ST3GAL3: variants seen among roughly 807,000 people sequenced by gnomAD.
ST3GAL3 encodes the protein CMP-N-acetylneuraminate-beta-1,4-galactoside alpha-2,3-sialyltransferase.
A neutral mutation model predicts 50.1 loss-of-function variants in ST3GAL3; 21 were observed. That is an observed-to-expected ratio of 0.42 (90% CI 0.30 to 0.60). The LOEUF (loss-of-function observed/expected upper bound fraction) is 0.60. ST3GAL3 is among the 20% of genes least tolerant of loss of function. ST3GAL3 has a pLI of 0.19. For missense variants in ST3GAL3, 353 were observed against 489.4 expected, an observed-to-expected ratio of 0.72 and a Z score of 2.63; for synonymous variants, 183 against 190.0, an observed-to-expected ratio of 0.96 and a Z score of 0.30.
intron 9 of ST3GAL3, among the ~76,000 whole-genome samples, chr1:43,915,347 A>G (rs1355159367): frequency 6.6e-6 from 1 of 152,212 alleles, no homozygotes; most frequent in East Asian, 1.9e-4. Context: ...CTATGGGGCT[A>G]GTGTGCACTC....
intron 5 of ST3GAL3, among the ~76,000 whole-genome samples, chr1:43,855,633 T>TA (rs910036694): frequency 4.0e-5 from 6 of 149,344 alleles, no homozygotes; most frequent in Middle Eastern, 3.4e-3. Flanking sequence ...AAATTAAATT[T>TA]AAAAAAAAAG....
chr1:43,911,857 T>G (rs541032935), intron 9 of ST3GAL3: 1 of 152,092 alleles, frequency 6.6e-6, no homozygotes, highest in East Asian at 1.9e-4. Flanking sequence ...ACTGGCTAAT[T>G]TTTGTATTTT....
intron 6 of ST3GAL3, 110 bp downstream of exon 6, chr1:43,894,587 C>T (rs1022986862): frequency 1.0e-6 from 1 of 965,254 alleles, no homozygotes; most frequent in Non-Finnish European, 1.7e-6. Context: ...TCCACCCTTC[C>T]TCTACTCTCA....
intron 5 of ST3GAL3, among the ~76,000 whole-genome samples, chr1:43,890,130 G>A (rs540710505): frequency 1.6e-4 from 24 of 152,120 alleles, no homozygotes; most frequent in Non-Finnish European, 2.9e-4. Flanking sequence ...AAAAATTATA[G>A]TTAAAATTTT....
chr1:43,845,902 C>T (rs1048229489), intron 5 of ST3GAL3, among the ~76,000 whole-genome samples: 2 of 152,026 alleles, frequency 1.3e-5, no homozygotes, highest in African/African-American at 4.8e-5. Flanking sequence ...CCTATTAGTT[C>T]TTTGGAAGTG....
intron 5 of ST3GAL3, chr1:43,894,095 CT>C: frequency 2.2e-6 from 1 of 451,912 alleles, no homozygotes; most frequent in South Asian, 2.1e-5. Flanking sequence ...TTCCAGAGAG[CT>C]TCCAGCTCTG....
intron 3 of ST3GAL3, among the ~76,000 whole-genome samples, chr1:43,813,334 G>T (rs1399240848): frequency 6.6e-6 from 1 of 152,254 alleles, no homozygotes; most frequent in East Asian, 1.9e-4. Flanking sequence ...ATTGTTGAGA[G>T]GGCACTTAAC....
chr1:43,907,787 A>G (rs1198287122), intron 9 of ST3GAL3, among the ~76,000 whole-genome samples: 7 of 151,938 alleles, frequency 4.6e-5, no homozygotes, highest in East Asian at 1.9e-4. Flanking sequence ...TCTCACATCT[A>G]TGAATGTATT....
intron 3 of ST3GAL3, among the ~76,000 whole-genome samples, chr1:43,796,472 A>G (rs2058695186): frequency 6.6e-6 from 1 of 152,216 alleles, no homozygotes; most frequent in Non-Finnish European, 1.5e-5. Flanking sequence ...GAACTGACCT[A>G]AGGGACAGAC....
At chr1:43,734,712 CCTATT>C (rs1677616572) in intron 1 of ST3GAL3, among the ~76,000 whole-genome samples, 1 of 152,064 alleles carries the variant, frequency 6.6e-6, no homozygotes. Context: ...TATTGAACTT[CCTATT>C]CTAATGATTT....
At chr1:43,897,999 G>A (rs1168959524) in intron 6 of ST3GAL3, among the ~76,000 whole-genome samples, 1 of 152,170 alleles carries the variant, frequency 6.6e-6, no homozygotes, top group Admixed American at 6.5e-5. Context: ...GAAGCTGCGT[G>A]CCAGTGTTAG....
chr1:43,719,531 G>T (rs371198961), intron 1 of ST3GAL3, among the ~76,000 whole-genome samples: 3 of 152,062 alleles, frequency 2.0e-5, no homozygotes, highest in African/African-American at 7.2e-5. Flanking sequence ...CGGGTGTGGT[G>T]GCGGGTGCCT....
intron 5 of ST3GAL3, chr1:43,851,277 T>A (rs2067252412): frequency 1.3e-6 from 2 of 1,581,816 alleles, no homozygotes; most frequent in Non-Finnish European, 1.7e-6. Context: ...TTCTTGTCTG[T>A]CATGAACCCG....
At chr1:43,767,104 T>C (rs1693352027) in intron 2 of ST3GAL3, among the ~76,000 whole-genome samples, 1 of 152,046 alleles carries the variant, frequency 6.6e-6, no homozygotes, top group Non-Finnish European at 1.5e-5. Context: ...GGAGGCTAGA[T>C]TGCGAGAGAA....
chr1:43,730,530 ATTTCTT>A (rs1252361516), intron 1 of ST3GAL3, among the ~76,000 whole-genome samples: 10 of 80,154 alleles, frequency 1.2e-4, no homozygotes, highest in African/African-American at 3.8e-4. Context: ...CAAGTTTCTG[ATTTCTT>A]TTTCTTTTCT....
chr1:43,785,619 G>T (rs946894606), intron 2 of ST3GAL3, among the ~76,000 whole-genome samples: 1 of 152,184 alleles, frequency 6.6e-6, no homozygotes, highest in African/African-American at 2.4e-5. Flanking sequence ...CAACAGCAGG[G>T]TTGTGACTCT....
intron 4 of ST3GAL3, among the ~76,000 whole-genome samples, chr1:43,817,765 CT>C (rs374572509): frequency 2.7e-5 from 1 of 37,560 alleles, no homozygotes; most frequent in Non-Finnish European, 6.8e-5. Context: ...TCTTCTTCCT[CT>C]TCTTCTTCTC....
chr1:43,755,867 G>A (rs1424606446), intron 2 of ST3GAL3, among the ~76,000 whole-genome samples: 1 of 152,100 alleles, frequency 6.6e-6, no homozygotes, highest in African/African-American at 2.4e-5. Context: ...GGGGGGCCAA[G>A]TTGGGAGGAT....
intron 11 of ST3GAL3, among the ~76,000 whole-genome samples, chr1:43,927,871 C>T (rs1314291835): frequency 6.6e-6 from 1 of 152,172 alleles, no homozygotes; most frequent in Non-Finnish European, 1.5e-5. Flanking sequence ...CGCTTCCCGC[C>T]TTCAGAGGCT....
Sources: gnomAD v4.1 joint callset for allele counts (sites outside exome capture counted in the v4.1 genomes callset) on GRCh38, gnomAD v4.1.1 for gene constraint, MANE v1.5 for transcripts, NCBI Gene and HGNC (gene_info 2026-07-23, HGNC 2026-07-21) for gene names.